ABCA13: variants seen among roughly 807,000 people sequenced by gnomAD.
ABCA13 encodes ATP-binding cassette sub-family A member 13.
Under a neutral mutation model 478.7 loss-of-function variants are expected in ABCA13, and 476 were observed. That is an observed-to-expected ratio of 0.99 (90% CI 0.92 to 1.07). ABCA13 has a LOEUF of 1.07. Ranked by LOEUF, ABCA13 falls within the 50% of genes least tolerant of loss-of-function variation. The probability of loss-of-function intolerance (pLI) is 0.00; values close to 1 mark genes in which losing one functional copy is unlikely to be tolerated. For missense variants in ABCA13, 6,060 were observed against 5,910.6 expected (o/e 1.03, Z -0.83); for synonymous variants, 2,252 against 2,158.9 (o/e 1.04, Z -1.20).
intron 51 of ABCA13, 47 bp downstream of exon 51, chr7:48,511,246 A>G: frequency 1.3e-6 from 2 of 1,486,282 alleles, no homozygotes; most frequent in Non-Finnish European, 1.9e-6. Context: ...TGTTTTCTGA[A>G]AGAGAAAACC....
rs1277651073 is a variant in ABCA13 at position 48,335,448 on chromosome 7, C to A, written c.10026C>A (p.Asp3342Glu). Residue 3342 changes from aspartate to glutamate, a missense_variant, in exon 28 of 62, where the codon GAC (aspartate) becomes GAA (glutamate). By Grantham distance (45) the Asp-to-Glu change is conservative. Transcript: ENST00000435803. ...CTAATTACACCTTTTATATTGTGGA[C>A]AAACTAAAAACTTTATCAGAAACAC... ...QKANYTFYIVDKLKTLSETLL... is the reference protein window; with the variant it reads ...QKANYTFYIVEKLKTLSETLL... The A allele has an allele frequency of 1.2e-6, 2 of 1,611,640 alleles. No individual in the cohort carries two copies. Among genetic ancestry groups the A allele is most frequent in the Non-Finnish European group, 1.7e-6 (2 of 1,178,668 alleles).
intron 56 of ABCA13, among the ~76,000 whole-genome samples, chr7:48,583,853 G>A (rs1403170850): frequency 1.3e-5 from 2 of 152,162 alleles, no homozygotes; most frequent in East Asian, 1.9e-4. Flanking sequence ...GCTATTTTCA[G>A]TTATTTTCTG....
chr7:48,286,662 G>T (rs1014166235), intron 19 of ABCA13, among the ~76,000 whole-genome samples: 2 of 151,838 alleles, frequency 1.3e-5, no homozygotes, highest in African/African-American at 4.8e-5. Context: ...CCGCCACCAT[G>T]CCCGGTTAAT....
At chr7:48,365,518 G>T (rs1811529378) in intron 31 of ABCA13, among the ~76,000 whole-genome samples, 1 of 152,026 alleles carries the variant, frequency 6.6e-6, no homozygotes, top group Non-Finnish European at 1.5e-5. Flanking sequence ...GCAGTTCTCT[G>T]ATATTTTCTT....
chr7:48,625,148 A>G (rs1793543489), intron 59 of ABCA13, among the ~76,000 whole-genome samples: 1 of 152,206 alleles, frequency 6.6e-6, no homozygotes, highest in Non-Finnish European at 1.5e-5. Context: ...CTCTCAAGCT[A>G]CCACTGTCTG....
intron 23 of ABCA13, among the ~76,000 whole-genome samples, chr7:48,308,761 C>T (rs908057721): frequency 3.3e-5 from 5 of 151,820 alleles, no homozygotes; most frequent in Non-Finnish European, 5.9e-5. Context: ...TGTATTTTTA[C>T]TGTACCTTTT....
intron 37 of ABCA13, 131 bp from the exon 38 acceptor site, chr7:48,391,790 T>C (rs1816094070): frequency 1.3e-6 from 1 of 763,486 alleles, no homozygotes; most frequent in Admixed American, 2.4e-5. Flanking sequence ...TAACTGATTG[T>C]GTAAAAACCA....
intron 14 of ABCA13, among the ~76,000 whole-genome samples, 183 bp downstream of exon 14, chr7:48,248,627 T>C (rs990831027): frequency 1.4e-4 from 22 of 152,228 alleles, no homozygotes; most frequent in African/African-American, 5.3e-4. Flanking sequence ...CTGTAAAATA[T>C]GAAAGAGTTC....
chr7:48,172,754 C>T (rs545732032), intron 1 of ABCA13, among the ~76,000 whole-genome samples: 16 of 127,522 alleles, frequency 1.3e-4, no homozygotes, highest in Admixed American at 3.0e-4. Context: ...GCCGAGATCG[C>T]GCCACTGCAC....
intron 48 of ABCA13, among the ~76,000 whole-genome samples, chr7:48,490,725 T>G (rs1245313513): frequency 1.3e-5 from 2 of 152,220 alleles, no homozygotes; most frequent in Non-Finnish European, 2.9e-5. Context: ...TGTTGATCTC[T>G]TTGGAAAGAT....
chr7:48,534,444 A>G (rs1413874920), intron 55 of ABCA13, among the ~76,000 whole-genome samples: 1 of 152,080 alleles, frequency 6.6e-6, no homozygotes, highest in Non-Finnish European at 1.5e-5. Flanking sequence ...CCTGATAACT[A>G]TGTGCTTATT....
chr7:48,600,824 A>C (rs1327484568), intron 58 of ABCA13, among the ~76,000 whole-genome samples: 1 of 152,230 alleles, frequency 6.6e-6, no homozygotes, highest in Non-Finnish European at 1.5e-5. Context: ...ACAGTCTTAA[A>C]TAGTAATCCA....
At chr7:48,423,194 C>T (rs932755963) in intron 41 of ABCA13, among the ~76,000 whole-genome samples, 1 of 152,206 alleles carries the variant, frequency 6.6e-6, no homozygotes, top group Non-Finnish European at 1.5e-5. Context: ...GTTGCTAGTA[C>T]CTCTAGTGTT....
intron 42 of ABCA13, among the ~76,000 whole-genome samples, chr7:48,435,017 G>A (rs890436108): frequency 2.0e-5 from 3 of 151,744 alleles, no homozygotes; most frequent in African/African-American, 7.2e-5. Context: ...TGGATTTTAA[G>A]ATTAATATTT....
At chr7:48,572,269 C>T (rs1269264202) in intron 55 of ABCA13, among the ~76,000 whole-genome samples, 1 of 151,860 alleles carries the variant, frequency 6.6e-6, no homozygotes, top group Non-Finnish European at 1.5e-5. Flanking sequence ...TAAGAAAGTT[C>T]TTTTATATTT....
chr7:48,463,729 T>C (rs1028549149), intron 43 of ABCA13, among the ~76,000 whole-genome samples: 1 of 147,130 alleles, frequency 6.8e-6, no homozygotes, highest in African/African-American at 2.5e-5. Context: ...GCTGAGAGTG[T>C]AGGGAAGGAA....
chr7:48,190,761 A>C (rs1796997194), intron 1 of ABCA13, among the ~76,000 whole-genome samples: 1 of 152,236 alleles, frequency 6.6e-6, no homozygotes, highest in Non-Finnish European at 1.5e-5. Context: ...GCTGTTATGG[A>C]AAATTGGTTC....
chr7:48,205,950 C>T (rs924933533), intron 3 of ABCA13, among the ~76,000 whole-genome samples: 2 of 152,092 alleles, frequency 1.3e-5, no homozygotes, highest in African/African-American at 4.8e-5. Context: ...ACCTGTGTAA[C>T]CACCATCATG....
At chr7:48,565,660 AAAAC>A (rs1227462676) in intron 55 of ABCA13, among the ~76,000 whole-genome samples, 3 of 152,180 alleles carry the variant, frequency 2.0e-5, no homozygotes, top group Non-Finnish European at 4.4e-5. Context: ...AACAAAAACA[AAAAC>A]AAAGAAGAAG....
Sources: allele counts gnomAD v4.1 joint callset (sites outside exome capture counted in the v4.1 genomes callset), GRCh38; gene constraint gnomAD v4.1.1; transcripts MANE v1.5; gene names NCBI Gene and HGNC (gene_info 2026-07-23, HGNC 2026-07-21).